SAMHD1: variants seen among roughly 807,000 people sequenced by gnomAD.
SAMHD1 encodes the protein SAM and HD domain containing deoxynucleoside triphosphate triphosphohydrolase 1, also known as deoxynucleoside triphosphate triphosphohydrolase SAMHD1.
A neutral mutation model predicts 79.6 loss-of-function variants in SAMHD1; 54 were observed. That is an observed-to-expected ratio of 0.68 (90% CI 0.55 to 0.85). SAMHD1 has a LOEUF of 0.85. Among genes scored for constraint, SAMHD1 ranks in the 40% least tolerant of loss-of-function variants. The pLI is 0.00. For missense variants in SAMHD1, 663 were observed against 782.7 expected, an observed-to-expected ratio of 0.85 and a Z score of 1.82; for synonymous variants, 260 against 264.1, an observed-to-expected ratio of 0.98 and a Z score of 0.15.
At chr20:36,903,529 G>A (rs1265064560) in intron 13 of SAMHD1, among the ~76,000 whole-genome samples, 2 of 147,742 alleles carry the variant, frequency 1.4e-5, no homozygotes, top group Non-Finnish European at 3.0e-5. Flanking sequence ...ATGAGCCACC[G>A]TGCCCAGCAA....
At chr20:36,924,562 A>G (rs750434259) in intron 6 of SAMHD1, among the ~76,000 whole-genome samples, 3 of 152,168 alleles carry the variant, frequency 2.0e-5, no homozygotes, top group African/African-American at 7.2e-5. Context: ...ATTATGAAGT[A>G]CAGGATATAT....
At position 36,907,171 on chromosome 20, in the gene SAMHD1, A is replaced by G. The variant is rs1195243653; in HGVS notation, c.1271-1668T>C. ...CAGTGGCGCGATCATAGTTCACTGC[A>G]GCATCAAAGTCCTGTGCTCAAGCAA... On this transcript the variant is annotated intron_variant, in intron 11 of 15. Transcript: ENST00000646673. 2.0e-5 allele frequency among the ~76,000 whole-genome samples: 3 copies of G among 151,412 alleles called. No homozygotes were observed. In the East Asian group the frequency reaches 5.8e-4, roughly 29 times the overall value.
chr20:36,940,994 T>C (rs1296999912), intron 3 of SAMHD1, 45 bp downstream of exon 3: 3 of 1,386,354 alleles, frequency 2.2e-6, no homozygotes, highest in South Asian at 2.3e-5. Flanking sequence ...AATTGAGTTA[T>C]ATCACTTTAT....
rs995022824 is a variant in SAMHD1 at position 36,919,514 on chromosome 20, T to C, written c.702A>G (p.Glu234=). 1.2e-6 allele frequency: 2 copies of C among 1,613,264 alleles called. No homozygotes were observed. The highest frequency in any genetic ancestry group is 1.1e-5 in the South Asian group (1 of 91,040). ...LARPEVKWTH[E]QGSVMMFEHL... is the part of the protein sequence containing the mutation. ...GCTCAAACATCATAACTGAGCCTTG[T>C]TCATGCTAGGAAAAGTAAGCACAAT... The change falls in exon 7 of 16, where the codon GAA becomes GAG. Residue 234 remains glutamate (E), a synonymous_variant. Coordinates refer to ENST00000646673, the MANE Select transcript of SAMHD1 (RefSeq NM_015474.4).
chr20:36,927,130 C>A (rs558040914), intron 6 of SAMHD1, 52 bp downstream of exon 6: 3 of 1,468,408 alleles, frequency 2.0e-6, no homozygotes, highest in East Asian at 2.3e-5. Context: ...AACTAAATAA[C>A]CTGCTTAAAT....
At position 36,911,295 on chromosome 20, in the gene SAMHD1, T is replaced by G. The variant is rs916801950; in HGVS notation, c.1193A>C (p.Glu398Ala). 1 of 1,612,774 alleles carries G rather than the reference T, an allele frequency of 6.2e-7. No homozygotes were observed. The highest frequency in any genetic ancestry group is 8.5e-7 in the Non-Finnish European group (1 of 1,179,804). ...DAFLKADDYIEITGAGGKKYR... is the reference protein window; with the variant it reads ...DAFLKADDYIAITGAGGKKYR... ...CTTTTTTCCTCCAGCACCTGTAATC[T>G]CTATGTAGTCATCTGCTTTGAGGAA... is the stretch of plus-strand genomic sequence containing the variant. Residue 398 changes from glutamate (E) to alanine (A), a missense_variant, in exon 11 of 16, where the codon GAG (glutamate) becomes GCG (alanine). By Grantham distance (107) the Glu-to-Ala change is moderately radical. Transcript: ENST00000646673.
rs550215877 is a variant in SAMHD1, at chr20:36,923,980, T to C, written c.696+3202A>G. 1.1e-4 allele frequency among the ~76,000 whole-genome samples: 16 copies of C among 152,208 alleles called. No individual in the cohort carries two copies. In the East Asian group the frequency reaches 2.9e-3, roughly 28 times the overall value. On this transcript the variant is annotated intron_variant, in intron 6 of 15. Transcript: ENST00000646673. ...ACAAAAAAGGACTGGCCAGGTGTGG[T>C]GGCTTAGGCCTGTAATCTCAGCACT...
chr20:36,893,714 A>G (rs1363322101), intron 15 of SAMHD1: 2 of 393,926 alleles, frequency 5.1e-6, no homozygotes, highest in East Asian at 7.2e-5. Context: ...TGGTTACAAG[A>G]TGATGCACGA....
intron 6 of SAMHD1, among the ~76,000 whole-genome samples, chr20:36,923,702 C>T (rs532096331): frequency 9.2e-5 from 14 of 152,214 alleles, no homozygotes; most frequent in Non-Finnish European, 1.3e-4. Flanking sequence ...GTGGCCCCAG[C>T]TACTTGGGAG....
chr20:36,898,608 G>A (rs1990242493), intron 13 of SAMHD1, 64 bp from the exon 14 acceptor site: 1 of 1,279,794 alleles, frequency 7.8e-7, no homozygotes, highest in Non-Finnish European at 1.1e-6. Context: ...AGGGCTGTAG[G>A]AGCATAACAA....
At chr20:36,943,770 G>A (rs1025084483) in intron 2 of SAMHD1, among the ~76,000 whole-genome samples, 1 of 152,140 alleles carries the variant, frequency 6.6e-6, no homozygotes, top group Non-Finnish European at 1.5e-5. Context: ...AGGACTGAGA[G>A]GGCTGAAATG....
chr20:36,951,581 G>A lies in SAMHD1; in HGVS notation c.63C>T (p.Thr21=), dbSNP rs775849448. ...KRPRCDDSPR[T]PSNTPSAEAD... ...CCTCTGCGGAAGGGGTGTTTGAGGG[G>A]GTTCTCGGGCTGTCATCGCAACGGG... The change falls in exon 1 of 16, where the codon ACC becomes ACT. Residue 21 remains threonine, a synonymous_variant. Transcript: ENST00000646673. The A allele has an allele frequency of 1.9e-6, 3 of 1,614,174 alleles. No individual in the cohort carries two copies. The highest frequency in any genetic ancestry group is 3.3e-5 in the Admixed American group (2 of 60,034).
chr20:36,912,777 T>A (rs996504893), intron 9 of SAMHD1, among the ~76,000 whole-genome samples: 59 of 142,166 alleles, frequency 4.2e-4, no homozygotes, highest in Non-Finnish European at 5.8e-4. Context: ...TTTTTTTTTT[T>A]AAAAGATGAG....
At chr20:36,945,582 A>C (rs2063680427) in intron 2 of SAMHD1, among the ~76,000 whole-genome samples, 1 of 152,220 alleles carries the variant, frequency 6.6e-6, no homozygotes, top group Admixed American at 6.5e-5. Flanking sequence ...CTGCAACATT[A>C]TTTAAAATAG....
At position 36,930,761 on chromosome 20, in the gene SAMHD1, G is replaced by A. The variant is rs764763884; in HGVS notation, c.624C>T (p.Leu208=). 1.2e-5 allele frequency: 19 copies of A among 1,602,332 alleles called. No homozygotes were observed. In the East Asian group the frequency reaches 1.3e-4, roughly 11 times the overall value. The part of the protein sequence containing the change: ...CVQIAGLCHD[L]GHGPFSHMFD... ...ACTTTGTCTCTTTGTACAGCTTACC[G>A]AGATCATGACAAAGTCCAGCAATCT... The change falls in exon 5 of 16, where the codon CTC becomes CTT. Residue 208 remains leucine, a splice_region_variant and synonymous_variant. Transcript: ENST00000646673.
At chr20:36,902,461 C>T (rs897582698) in intron 13 of SAMHD1, among the ~76,000 whole-genome samples, 2 of 152,156 alleles carry the variant, frequency 1.3e-5, no homozygotes, top group Non-Finnish European at 2.9e-5. Flanking sequence ...GGATTGCAGG[C>T]GTGAGCCACT....
At chr20:36,909,147 A>C (rs1322950103) in intron 11 of SAMHD1, among the ~76,000 whole-genome samples, 1 of 151,872 alleles carries the variant, frequency 6.6e-6, no homozygotes, top group African/African-American at 2.4e-5. Flanking sequence ...TTTTTAGTAG[A>C]GACGGGGTTT....
At chr20:36,920,136 CAG>C (rs1004099255) in intron 6 of SAMHD1, among the ~76,000 whole-genome samples, 2 of 152,048 alleles carry the variant, frequency 1.3e-5, no homozygotes, top group Non-Finnish European at 2.9e-5. Flanking sequence ...AAAAAAGAGA[CAG>C]GGAATTGCTC....
At chr20:36,944,221 C>A (rs979482718) in intron 2 of SAMHD1, among the ~76,000 whole-genome samples, 1 of 151,818 alleles carries the variant, frequency 6.6e-6, no homozygotes, top group Non-Finnish European at 1.5e-5. Flanking sequence ...GTGGCACATG[C>A]CAGTAGTCCC....
Sources: allele counts gnomAD v4.1 joint callset (sites outside exome capture counted in the v4.1 genomes callset), GRCh38; gene constraint gnomAD v4.1.1; transcripts MANE v1.5; gene names NCBI Gene and HGNC (gene_info 2026-07-23, HGNC 2026-07-21).